SLC9C1: variants seen among roughly 807,000 people sequenced by gnomAD.
SLC9C1 encodes the protein solute carrier family 9 member C1.
Under a neutral mutation model 140.9 loss-of-function variants are expected in SLC9C1, and 97 were observed. The ratio of observed to expected loss-of-function variants is 0.69; its 90% CI spans 0.58 to 0.82. SLC9C1 has a LOEUF of 0.82. Ranked by LOEUF, SLC9C1 falls within the 40% of genes least tolerant of loss-of-function variation. SLC9C1 has a pLI of 0.00. For missense variants in SLC9C1, 1,340 were observed against 1,389.3 expected, an observed-to-expected ratio of 0.96 and a Z score of 0.56; for synonymous variants, 440 against 442.6, an observed-to-expected ratio of 0.99 and a Z score of 0.07.
At position 112,145,781 on chromosome 3, in the gene SLC9C1, GT is replaced by G. The variant is rs2074774564; in HGVS notation, c.3525-4501del. Reference sequence around the variant, plus strand: ...CAAATCTCATCTTAAATTCCCACATGTTGTGGGAGAGACCCGAAGGCAGATA... The same window carrying G: ...CAAATCTCATCTTAAATTCCCACATGTGTGGGAGAGACCCGAAGGCAGATA... On this transcript the variant is annotated intron_variant, in intron 28 of 28. Coordinates refer to ENST00000305815, the MANE Select transcript of SLC9C1 (RefSeq NM_183061.3). Among the ~76,000 whole-genome samples, 3 of 151,906 alleles carry G rather than the reference GT, an allele frequency of 2.0e-5. No individual in the cohort carries two copies. The South Asian group carries it at 6.2e-4, about 32-fold the overall frequency.
intron 20 of SLC9C1, chr3:112,185,953 G>C (rs2077530761): frequency 1.9e-6 from 3 of 1,563,188 alleles, no homozygotes; most frequent in African/African-American, 2.7e-5. Context: ...AGCTTGGGGT[G>C]GTGGGCGACC....
chr3:112,279,033 T>C, intron 3 of SLC9C1, 176 bp from the exon 4 acceptor site: 1 of 519,670 alleles, frequency 1.9e-6, no homozygotes, highest in South Asian at 2.6e-5. Context: ...CCATGGCTTA[T>C]GTAGAAGATA....
intron 28 of SLC9C1, among the ~76,000 whole-genome samples, chr3:112,146,275 A>G (rs1372056780): frequency 6.6e-6 from 1 of 150,642 alleles, no homozygotes; most frequent in Non-Finnish European, 1.5e-5. Flanking sequence ...CTTTATTTCC[A>G]TTGATTCTTT....
At chr3:112,222,428 G>T (rs1301159869) in intron 13 of SLC9C1, among the ~76,000 whole-genome samples, 1 of 152,084 alleles carries the variant, frequency 6.6e-6, no homozygotes, top group Non-Finnish European at 1.5e-5. Flanking sequence ...TGAAAAGCGA[G>T]ATTTATTGAT....
chr3:112,277,646 T>G, intron 5 of SLC9C1, 49 bp downstream of exon 5: 2 of 1,384,448 alleles, frequency 1.4e-6, no homozygotes, highest in South Asian at 3.6e-5. Flanking sequence ...TACAAGTTCA[T>G]TATGAAATAT....
chr3:112,169,503 C>T (rs953126485), intron 23 of SLC9C1, among the ~76,000 whole-genome samples, 175 bp from the exon 24 acceptor site: 1 of 152,062 alleles, frequency 6.6e-6, no homozygotes, highest in Non-Finnish European at 1.5e-5. Flanking sequence ...TGTCCTTTCC[C>T]TATGTTGTTG....
intron 28 of SLC9C1, among the ~76,000 whole-genome samples, chr3:112,149,863 G>C (rs552247463): frequency 2.0e-5 from 3 of 152,102 alleles, no homozygotes; most frequent in African/African-American, 7.2e-5. Context: ...GCTGAACAGG[G>C]TGAATGAGTG....
chr3:112,185,992 C>G (rs1430152607), intron 20 of SLC9C1: 2 of 1,546,570 alleles, frequency 1.3e-6, no homozygotes, highest in Non-Finnish European at 1.7e-6. Context: ...GGGACCCAGG[C>G]CCCGCGGTAT....
intron 26 of SLC9C1, among the ~76,000 whole-genome samples, chr3:112,157,493 G>GCTAT (rs1285596198): frequency 6.6e-6 from 1 of 152,006 alleles, no homozygotes; most frequent in Non-Finnish European, 1.5e-5. Context: ...GACTGCTGTG[G>GCTAT]CTATTCAGGG....
intron 9 of SLC9C1, 119 bp downstream of exon 9, chr3:112,264,081 C>A: frequency 2.1e-6 from 1 of 478,162 alleles, no homozygotes; most frequent in Non-Finnish European, 3.2e-6. Context: ...TGCTGATGAT[C>A]CTTGGAAAGT....
At chr3:112,291,300 C>T (rs563093377) in intron 1 of SLC9C1, among the ~76,000 whole-genome samples, 7 of 152,092 alleles carry the variant, frequency 4.6e-5, no homozygotes, top group Admixed American at 2.0e-4. Context: ...AGCTACTGCA[C>T]GCAAAAGAAA....
At chr3:112,189,685 C>T (rs186907537) in intron 20 of SLC9C1, among the ~76,000 whole-genome samples, 236 of 152,264 alleles carry the variant, frequency 1.5e-3, no homozygotes, top group Non-Finnish European at 2.9e-3. Flanking sequence ...CAGCTTTGTT[C>T]TTTTGGCTTA....
Position 112,264,312 on chromosome 3 carries a change from GA to G in SLC9C1, c.909del (p.Leu304SerfsTer10). The G allele has an allele frequency of 6.8e-7, 1 of 1,475,052 alleles. No homozygotes were observed. Among genetic ancestry groups the G allele is most frequent in the Non-Finnish European group, 9.0e-7 (1 of 1,113,294 alleles). 91.4% of individuals were successfully genotyped at this position (1,475,052 alleles called of 1,614,324 possible). ...EFWTFLSRIA[F>X]LMVFTFFGLL... ...AGTCCAAAGAAAGTAAACACCATGA[GA>G]AAAGCAATACGTGATAGAAAAGTCC... On this transcript the variant is annotated frameshift_variant, in exon 9 of 29. Coordinates refer to ENST00000305815, the MANE Select transcript of SLC9C1 (RefSeq NM_183061.3). LOFTEE classifies it high-confidence loss of function.
intron 13 of SLC9C1, among the ~76,000 whole-genome samples, chr3:112,229,767 T>C (rs889491386): frequency 2.0e-5 from 3 of 152,072 alleles, no homozygotes; most frequent in Non-Finnish European, 4.4e-5. Context: ...GTACATTACT[T>C]AGATAGAGAA....
rs553443162 is a variant in SLC9C1 at position 112,165,556 on chromosome 3, G to T, written c.3364+1665C>A. 3.3e-4 allele frequency among the ~76,000 whole-genome samples: 51 copies of T among 152,302 alleles called. No homozygotes were observed. The South Asian group carries it at 8.5e-3, about 25-fold the overall frequency. ...TCCACTCCAGACCCTGTTTGCCTGG[G>T]TATCAGCAGTGGAGGCTGCACAACA... On this transcript the variant is annotated intron_variant, in intron 26 of 28. Transcript: ENST00000305815.
At chr3:112,283,552 C>A (rs1425170873) in intron 2 of SLC9C1, among the ~76,000 whole-genome samples, 1 of 151,212 alleles carries the variant, frequency 6.6e-6, no homozygotes, top group Non-Finnish European at 1.5e-5. Flanking sequence ...AAATTCTTTC[C>A]AAACATTTTT....
intron 23 of SLC9C1, among the ~76,000 whole-genome samples, chr3:112,177,737 A>AT (rs1222074079): frequency 4.7e-5 from 7 of 149,180 alleles, no homozygotes; most frequent in East Asian, 3.9e-4. Context: ...AAAAAAAAAA[A>AT]TTAAATAGAA....
intron 23 of SLC9C1, among the ~76,000 whole-genome samples, chr3:112,170,634 T>C (rs779698918): frequency 1.3e-5 from 2 of 152,184 alleles, no homozygotes; most frequent in Non-Finnish European, 2.9e-5. Context: ...TCTATAAATA[T>C]GTTATTTGAG....
chr3:112,148,333 A>G (rs1433674200), intron 28 of SLC9C1, among the ~76,000 whole-genome samples: 2 of 151,956 alleles, frequency 1.3e-5, no homozygotes, highest in East Asian at 3.9e-4. Context: ...CTACATTTAG[A>G]TTTTTCATGG....
Sources: gnomAD v4.1 joint callset for allele counts (sites outside exome capture counted in the v4.1 genomes callset) on GRCh38, gnomAD v4.1.1 for gene constraint, MANE v1.5 for transcripts, NCBI Gene and HGNC (gene_info 2026-07-23, HGNC 2026-07-21) for gene names.